Variants in SNORC observed in about 807,000 individuals in gnomAD.
The protein encoded by SNORC is secondary ossification center associated regulator of chondrocyte maturation.
A neutral mutation model predicts 9.7 loss-of-function variants in SNORC; 11 were observed. The ratio of observed to expected loss-of-function variants is 1.14; its 90% confidence interval spans 0.72 to 1.88. The LOEUF is 1.88. Among genes scored for constraint, SNORC ranks in the 40% most tolerant of loss-of-function variants. The pLI, the probability that SNORC is intolerant of heterozygous loss-of-function variation, is 0.00. For missense variants in SNORC, 197 were observed against 173.1 expected (o/e 1.14, Z -0.77); for synonymous variants, 108 against 88.7 (o/e 1.22, Z -1.22).
chr2:232,871,602 T>A (rs1691026816), intron 1 of SNORC, among the ~76,000 whole-genome samples: 1 of 152,042 alleles, frequency 6.6e-6, no homozygotes, highest in African/African-American at 2.4e-5. Context: ...CTCTACTTCC[T>A]CCCGCAAGCT....
At chr2:232,868,830 C>G (rs1690924736), upstream of SNORC, among the ~76,000 whole-genome samples, 1 of 152,332 alleles carries the variant, frequency 6.6e-6, no homozygotes, top group African/African-American at 2.4e-5. Flanking sequence ...AAGCACACCC[C>G]TGTCTAGAAT....
intron 1 of SNORC, among the ~76,000 whole-genome samples, chr2:232,871,260 C>T (rs529875222): frequency 2.6e-5 from 4 of 152,202 alleles, no homozygotes; most frequent in East Asian, 1.9e-4. Context: ...TTCTGGGGGA[C>T]GACAGGCCTG....
At chr2:232,876,992 G>T (rs1164370174), downstream of SNORC, 1 of 985,482 alleles carries the variant, frequency 1.0e-6, no homozygotes, top group Non-Finnish European at 1.2e-6. This position sits in a 1 kb window ranked among gnomAD's most constrained non-coding sequence, Gnocchi z 6.8. Context: ...CGGGGTTGGG[G>T]AGGGCAGGGG....
exon 1 of SNORC, chr2:232,870,299 C>T: frequency 6.5e-7 from 1 of 1,533,338 alleles, no homozygotes; most frequent in African/African-American, 1.4e-5. Context: ...CCAGCGCAGT[C>T]CTCCGTGCGT....
At chr2:232,870,302 C>A in exon 1 of SNORC, 1 of 1,539,324 alleles carries the variant, frequency 6.5e-7, no homozygotes, top group Non-Finnish European at 8.8e-7. Flanking sequence ...GCGCAGTCCT[C>A]CGTGCGTCCC....
chr2:232,871,832 G>A (rs1333222756), intron 1 of SNORC, among the ~76,000 whole-genome samples: 1 of 152,216 alleles, frequency 6.6e-6, no homozygotes, highest in African/African-American at 2.4e-5. Context: ...CCTGCCTGCT[G>A]GGCCTGGGCT....
chr2:232,870,137 A>G (rs1223626497), upstream of SNORC: 10 of 564,502 alleles, frequency 1.8e-5, no homozygotes, highest in Non-Finnish European at 3.0e-5. Context: ...TCAGGAAAGC[A>G]GGTCTGTTCT....
chr2:232,876,199 C>G lies in SNORC; in HGVS notation c.257-48C>G. 1 of 1,470,246 alleles carries G rather than the reference C, an allele frequency of 6.8e-7. No individual in the cohort carries two copies. The highest frequency in any genetic ancestry group is 9.0e-7 in the Non-Finnish European group (1 of 1,117,212). 91.1% of individuals were successfully genotyped at this position (1,470,246 alleles called of 1,614,324 possible). A position where few individuals can be genotyped will look rare whatever the true frequency, so the allele number is the denominator to read the frequency against. ...GGGGCGGGGGGCGCGGGGAGAAGGG[C>G]CGGCCAGGCGGGGGCTAGCAGGTGA... On this transcript the variant is annotated intron_variant, in intron 2 of 2. Transcript: ENST00000331342. This position sits in a 1 kb window ranked among gnomAD's most constrained non-coding sequence, Gnocchi z 6.8.
At chr2:232,873,390 G>A (rs1003609500) in intron 1 of SNORC, among the ~76,000 whole-genome samples, 2 of 152,094 alleles carry the variant, frequency 1.3e-5, no homozygotes, top group African/African-American at 2.4e-5. Flanking sequence ...CAGGGCCTGA[G>A]TGGGGCTCCC....
intron 1 of SNORC, among the ~76,000 whole-genome samples, chr2:232,871,311 A>G (rs1360960441): frequency 2.0e-5 from 3 of 152,130 alleles, no homozygotes; most frequent in Non-Finnish European, 4.4e-5. Flanking sequence ...TCTGGGTGAC[A>G]GCGAGGAGCA....
rs1691235501 is a variant in SNORC at position 232,876,247 on chromosome 2, G to C, written c.257G>C (p.Gly86Ala). ...TGACATGGTCCTCCGTCCTCCGCAG[G>C]GTCGCTGGGGCCCGGCGCTATCGCG... Residue 86 changes from glycine (G) to alanine (A), a missense_variant and splice_region_variant, in exon 3 of 3, where the codon GGG (glycine) becomes GCG (alanine). Transcript: ENST00000331342. The surrounding 1 kb of genome is among the most constrained non-coding windows in gnomAD (Gnocchi z 6.8). 2 of 1,504,070 alleles carry C rather than the reference G, an allele frequency of 1.3e-6. No homozygotes were observed. Among genetic ancestry groups the C allele is most frequent in the African/African-American group, 1.5e-5 (1 of 68,698 alleles). The allele number at this position is 1,504,070 out of a possible 1,614,324, so 93.2% of individuals were successfully genotyped here.
chr2:232,876,079 A>C lies in SNORC; in HGVS notation c.213A>C (p.Gly71=). 7 of 1,473,846 alleles carry C rather than the reference A, an allele frequency of 4.7e-6. No homozygotes were observed. The highest frequency in any genetic ancestry group is 6.3e-6 in the Non-Finnish European group (7 of 1,107,368). 91.3% of individuals were successfully genotyped at this position (1,473,846 alleles called of 1,614,324 possible). Residue 71 remains glycine, a synonymous_variant, in exon 2 of 3, where the codon GGA becomes GGC. Coordinates refer to ENST00000331342, the Ensembl canonical transcript of SNORC. This position sits in a 1 kb window ranked among gnomAD's most constrained non-coding sequence, Gnocchi z 6.8. ...CCCCAGCCCCCACCGTCGCGCCAGG[A>C]CCCGAGGACAGCACCGCGCAGGAGC...
At chr2:232,866,811 T>G (rs1204101657), upstream of SNORC, among the ~76,000 whole-genome samples, 1 of 152,184 alleles carries the variant, frequency 6.6e-6, no homozygotes, top group Non-Finnish European at 1.5e-5. Context: ...CCTCCCAGGT[T>G]CAAACAATTC....
chr2:232,875,444 A>G, intron 1 of SNORC: 1 of 384,736 alleles, frequency 2.6e-6, no homozygotes, highest in Non-Finnish European at 5.5e-6. Flanking sequence ...CCGACCTACC[A>G]TCCCCATGTT....
At chr2:232,875,792 T>C (rs1024295620) in intron 1 of SNORC, 148 bp from the exon 2 acceptor site, 2 of 880,066 alleles carry the variant, frequency 2.3e-6, no homozygotes. Context: ...CTTCAGCTTC[T>C]TAGCCTGGGA....
intron 1 of SNORC, among the ~76,000 whole-genome samples, chr2:232,871,466 C>G (rs980168996): frequency 2.6e-4 from 39 of 152,312 alleles, no homozygotes; most frequent in Non-Finnish European, 5.3e-4. Context: ...GCCTCACTTG[C>G]AGGGGTCTGT....
upstream of SNORC, among the ~76,000 whole-genome samples, chr2:232,867,357 TA>T (rs1690899109): frequency 6.6e-6 from 1 of 152,196 alleles, no homozygotes; most frequent in African/African-American, 2.4e-5. Flanking sequence ...TAGAGTTCTA[TA>T]TGTGTTAGCT....
In SNORC at chr2:232,871,261, G is replaced by A. The variant is rs562892700; in HGVS notation, c.73+847G>A. On this transcript the variant is annotated intron_variant, in intron 1 of 2. Transcript: ENST00000331342. Reference sequence around the variant, plus strand: ...GGCCTGGGGAGAGCTTCTGGGGGACGACAGGCCTGGGGAGGCCCCCTCGGC... The same window carrying A: ...GGCCTGGGGAGAGCTTCTGGGGGACAACAGGCCTGGGGAGGCCCCCTCGGC... 5.3e-5 allele frequency among the ~76,000 whole-genome samples: 8 copies of A among 152,246 alleles called. No homozygotes were observed. The South Asian group carries it at 1.5e-3, about 28-fold the overall frequency.
At chr2:232,870,197 G>C (rs1690968615), upstream of SNORC, 2 of 716,726 alleles carry the variant, frequency 2.8e-6, no homozygotes, top group Non-Finnish European at 4.8e-6. Flanking sequence ...GGGTGGGGAG[G>C]TGCGGGCACG....
Sources: gnomAD v4.1 joint callset for allele counts (sites outside exome capture counted in the v4.1 genomes callset) on GRCh38, gnomAD v4.1.1 for gene constraint, Gnocchi (gnomAD v3.1) non-coding constraint, MANE v1.5 for transcripts, NCBI Gene and HGNC (gene_info 2026-07-23, HGNC 2026-07-21) for gene names.